The following CACNG5 variants were observed in gnomAD, a reference collection of about 807,000 sequenced individuals.
The protein encoded by CACNG5 is voltage-dependent calcium channel gamma-5 subunit.
In CACNG5, 18 loss-of-function variants were observed where a neutral mutation model predicts 24.8. The ratio of observed to expected loss-of-function variants is 0.73; its 90% CI spans 0.50 to 1.08. The LOEUF (loss-of-function observed/expected upper bound fraction) is 1.08, where lower values mean the gene tolerates loss of function less well. Among genes scored for constraint, CACNG5 ranks in the 50% least tolerant of loss-of-function variants. The pLI, the probability that CACNG5 is intolerant of heterozygous loss-of-function variation, is 0.00. For missense variants in CACNG5, 349 were observed against 367.9 expected, an observed-to-expected ratio of 0.95 and a Z score of 0.42; for synonymous variants, 157 against 149.1, an observed-to-expected ratio of 1.05 and a Z score of -0.39.
intron 1 of CACNG5, among the ~76,000 whole-genome samples, chr17:66,849,201 T>A (rs1378722898): frequency 6.6e-6 from 1 of 151,752 alleles, no homozygotes; most frequent in Non-Finnish European, 1.5e-5. Flanking sequence ...ATCAATTTCC[T>A]CCACCCCCTC....
At chr17:66,872,600 C>T (rs1406825272) in intron 1 of CACNG5, among the ~76,000 whole-genome samples, 5 of 152,234 alleles carry the variant, frequency 3.3e-5, no homozygotes, top group South Asian at 2.1e-4. Flanking sequence ...GGAAAAAGCA[C>T]TGGGTCAGGA....
intron 1 of CACNG5, among the ~76,000 whole-genome samples, chr17:66,876,236 A>G (rs1358503446): frequency 6.6e-6 from 1 of 152,154 alleles, no homozygotes; most frequent in African/African-American, 2.4e-5. Flanking sequence ...AAAAAATACC[A>G]TTGTCCAGGC....
At position 66,872,380 on chromosome 17, in the gene CACNG5, G is replaced by A. The variant is rs76735081; in HGVS notation, c.-103-4850G>A. On this transcript the variant is annotated intron_variant, in intron 1 of 5. Transcript: ENST00000533854. Reference sequence around the variant, plus strand: ...AGCAGAAGCTCGAACAAGGGTCTAGGAATACAGTTCAGACTAGGGTGTCTT... The same window carrying A: ...AGCAGAAGCTCGAACAAGGGTCTAGAAATACAGTTCAGACTAGGGTGTCTT... Among the ~76,000 whole-genome samples the A allele has an allele frequency of 8.2e-3, 1,252 of 152,268 alleles. 20 individuals are homozygous for A. The highest frequency in any genetic ancestry group is 0.029 in the African/African-American group (1,191 of 41,544).
At chr17:66,848,134 G>A (rs916497767) in intron 1 of CACNG5, among the ~76,000 whole-genome samples, 15 of 152,196 alleles carry the variant, frequency 9.9e-5, no homozygotes, top group African/African-American at 2.2e-4. Flanking sequence ...TGAGACTGCC[G>A]GTAGCAGGGG....
At chr17:66,853,891 A>C (rs1333819498) in intron 1 of CACNG5, among the ~76,000 whole-genome samples, 1 of 152,162 alleles carries the variant, frequency 6.6e-6, no homozygotes, top group African/African-American at 2.4e-5. Flanking sequence ...GAATATCACT[A>C]TCATCACTTT....
Position 66,894,011 on chromosome 17 carries a change from G to A in CACNG5, c.*8771G>A, listed in dbSNP as rs1977378680. On this transcript the variant is annotated 3_prime_UTR_variant, in exon 6 of 6. Coordinates refer to ENST00000533854, the MANE Select transcript of CACNG5 (RefSeq NM_145811.3). ...ATCCAATGGGGAGGGGATGGCAGTGGCTGCCAGGCTAGAAATCCAAAGTCC... is the reference window on the plus strand; with the variant it reads ...ATCCAATGGGGAGGGGATGGCAGTGACTGCCAGGCTAGAAATCCAAAGTCC... Among the ~76,000 whole-genome samples, 1 of 152,158 alleles carries A rather than the reference G, an allele frequency of 6.6e-6. No homozygotes were observed. The highest frequency in any genetic ancestry group is 6.5e-5 in the Admixed American group (1 of 15,282).
intron 1 of CACNG5, among the ~76,000 whole-genome samples, chr17:66,866,034 A>G (rs1976924984): frequency 6.6e-6 from 1 of 152,154 alleles, no homozygotes; most frequent in South Asian, 2.1e-4. Context: ...ATCCTGAGAA[A>G]ATTCTTGCAG....
chr17:66,853,195 T>C (rs761506426), intron 1 of CACNG5, among the ~76,000 whole-genome samples: 23 of 152,228 alleles, frequency 1.5e-4, no homozygotes, highest in Admixed American at 3.3e-4. Flanking sequence ...ATGAGTAGTT[T>C]ATTCCTTTGT....
chr17:66,850,967 A>G (rs898220581), intron 1 of CACNG5, among the ~76,000 whole-genome samples: 4 of 152,188 alleles, frequency 2.6e-5, no homozygotes, highest in Non-Finnish European at 5.9e-5. Flanking sequence ...GATATGTGCC[A>G]TCATAGCTCA....
chr17:66,854,979 G>T (rs1361562347), intron 1 of CACNG5, among the ~76,000 whole-genome samples: 1 of 152,210 alleles, frequency 6.6e-6, no homozygotes, highest in Non-Finnish European at 1.5e-5. Context: ...GATTCTCACT[G>T]TGATTGATAA....
chr17:66,887,706 A>G lies in CACNG5; in HGVS notation c.*2466A>G, dbSNP rs775644006. On this transcript the variant is annotated 3_prime_UTR_variant, in exon 6 of 6. Transcript: ENST00000533854. ...AAAGTAGAATCCACTCCTAAATACA[A>G]GTTGATTGTGGACTCAGACATCACT... Among the ~76,000 whole-genome samples the G allele has an allele frequency of 2.0e-5, 3 of 152,128 alleles. No homozygotes were observed. The South Asian group carries it at 6.2e-4, about 32-fold the overall frequency.
At chr17:66,856,785 C>T (rs1458955509) in intron 1 of CACNG5, among the ~76,000 whole-genome samples, 1 of 151,992 alleles carries the variant, frequency 6.6e-6, no homozygotes, top group Non-Finnish European at 1.5e-5. Flanking sequence ...TCAGGTGATG[C>T]ACCTGCCTCA....
intron 1 of CACNG5, among the ~76,000 whole-genome samples, chr17:66,857,808 A>G (rs538678129): frequency 2.6e-4 from 40 of 152,310 alleles, no homozygotes; most frequent in African/African-American, 9.6e-4. Context: ...GCACATTAGA[A>G]TCAACTGAGA....
intron 1 of CACNG5, among the ~76,000 whole-genome samples, chr17:66,850,955 CAG>C (rs1976704223): frequency 6.6e-6 from 1 of 152,124 alleles, no homozygotes; most frequent in African/African-American, 2.4e-5. Context: ...GTACTGGATC[CAG>C]ATATGTGCCA....
intron 1 of CACNG5, among the ~76,000 whole-genome samples, chr17:66,874,067 C>T (rs1977045361): frequency 6.6e-6 from 1 of 151,592 alleles, no homozygotes; most frequent in Non-Finnish European, 1.5e-5. Flanking sequence ...TGAAAAAGGG[C>T]TTGGGAGTGG....
intron 1 of CACNG5, among the ~76,000 whole-genome samples, chr17:66,840,668 C>A (rs541159905): frequency 3.3e-5 from 5 of 152,298 alleles, no homozygotes; most frequent in African/African-American, 1.2e-4. Context: ...AAACGAGAAG[C>A]AGCTGCTGGT....
chr17:66,845,011 C>A (rs905780051), intron 1 of CACNG5, among the ~76,000 whole-genome samples: 33 of 152,150 alleles, frequency 2.2e-4, no homozygotes, highest in Admixed American at 5.9e-4. Context: ...TATTGCAGCA[C>A]TATTTACAAT....
At chr17:66,876,135 C>T (rs1370127547) in intron 1 of CACNG5, among the ~76,000 whole-genome samples, 2 of 152,206 alleles carry the variant, frequency 1.3e-5, no homozygotes, top group Non-Finnish European at 2.9e-5. Flanking sequence ...CATGGTGATG[C>T]CTACATGGCT....
At chr17:66,861,025 G>GCACACACACA (rs140020871) in intron 1 of CACNG5, among the ~76,000 whole-genome samples, 3 of 150,216 alleles carry the variant, frequency 2.0e-5, no homozygotes, top group South Asian at 2.1e-4. Flanking sequence ...GCACATGCAC[G>GCACACACACA]CACACACACA....
Sources: gnomAD v4.1 joint callset for allele counts (sites outside exome capture counted in the v4.1 genomes callset) on GRCh38, gnomAD v4.1.1 for gene constraint, MANE v1.5 for transcripts, NCBI Gene and HGNC (gene_info 2026-07-23, HGNC 2026-07-21) for gene names.